Variants in ADAMTSL3 observed in about 807,000 individuals in gnomAD.
The protein encoded by ADAMTSL3 is ADAMTS-like protein 3.
A neutral mutation model predicts 201.7 loss-of-function variants in ADAMTSL3; 128 were observed. The ratio of observed to expected loss-of-function variants is 0.63; its 90% CI spans 0.55 to 0.73. The LOEUF is 0.73. Ranked by LOEUF, ADAMTSL3 falls within the 30% of genes least tolerant of loss-of-function variation. ADAMTSL3 has a pLI of 0.00. For synonymous variants in ADAMTSL3, 738 were observed against 748.4 expected (o/e 0.99, Z 0.23); for missense variants, 1,990 against 2,119.6 (o/e 0.94, Z 1.20).
At chr15:83,999,916 G>A (rs935657675) in intron 23 of ADAMTSL3, among the ~76,000 whole-genome samples, 1 of 152,132 alleles carries the variant, frequency 6.6e-6, no homozygotes, top group African/African-American at 2.4e-5. Context: ...TTGTGGTGCA[G>A]CAGGATTATG....
intron 2 of ADAMTSL3, among the ~76,000 whole-genome samples, chr15:83,690,535 C>T (rs1335611303): frequency 6.6e-6 from 1 of 152,200 alleles, no homozygotes; most frequent in Non-Finnish European, 1.5e-5. Flanking sequence ...TTCTTTACAT[C>T]TCAGCTTTGT....
At chr15:83,796,862 A>G (rs1157094179) in intron 4 of ADAMTSL3, among the ~76,000 whole-genome samples, 1 of 152,236 alleles carries the variant, frequency 6.6e-6, no homozygotes, top group Admixed American at 6.5e-5. Context: ...TAGTCAGAGG[A>G]AAACATTAGA....
At chr15:83,800,508 A>T (rs559894295) in intron 4 of ADAMTSL3, among the ~76,000 whole-genome samples, 2 of 152,186 alleles carry the variant, frequency 1.3e-5, no homozygotes, top group African/African-American at 2.4e-5. Flanking sequence ...GATACCTTTG[A>T]TATATTCTTT....
At chr15:83,927,042 C>T (rs557713487) in intron 17 of ADAMTSL3, among the ~76,000 whole-genome samples, 28 of 152,326 alleles carry the variant, frequency 1.8e-4, no homozygotes, top group African/African-American at 5.8e-4. Flanking sequence ...GCTTTCCCAA[C>T]CATGGCCCCC....
intron 17 of ADAMTSL3, among the ~76,000 whole-genome samples, chr15:83,924,962 T>C (rs967088540): frequency 8.5e-5 from 13 of 152,236 alleles, no homozygotes; most frequent in African/African-American, 3.1e-4. Flanking sequence ...CTCTCAGTGA[T>C]TGAGGGAGGT....
intron 3 of ADAMTSL3, among the ~76,000 whole-genome samples, chr15:83,759,839 T>A (rs931297937): frequency 2.6e-5 from 4 of 152,170 alleles, no homozygotes; most frequent in Non-Finnish European, 5.9e-5. Flanking sequence ...ATAATATATT[T>A]CATAATATGA....
At chr15:83,955,495 C>G (rs1220823307) in intron 19 of ADAMTSL3, among the ~76,000 whole-genome samples, 1 of 152,078 alleles carries the variant, frequency 6.6e-6, no homozygotes, top group Non-Finnish European at 1.5e-5. Context: ...CTGAAGCCCA[C>G]TAGATACTCT....
chr15:83,903,662 A>T (rs1446099163), intron 15 of ADAMTSL3, among the ~76,000 whole-genome samples: 2 of 151,908 alleles, frequency 1.3e-5, no homozygotes, highest in Non-Finnish European at 2.9e-5. Context: ...TCACGCCTAT[A>T]ATCCCAGCAC....
intron 7 of ADAMTSL3, among the ~76,000 whole-genome samples, chr15:83,844,161 TG>T (rs2064445486): frequency 6.6e-6 from 1 of 152,194 alleles, no homozygotes; most frequent in African/African-American, 2.4e-5. Flanking sequence ...CATTTTTACA[TG>T]GTGGCAGCCA....
chr15:83,873,031 G>A (rs140983410), intron 9 of ADAMTSL3, among the ~76,000 whole-genome samples: 2,835 of 145,586 alleles, frequency 0.019, 538 homozygotes, highest in African/African-American at 0.069. Context: ...GTGGCTGGGC[G>A]TGGTGGCTCA....
intron 17 of ADAMTSL3, among the ~76,000 whole-genome samples, chr15:83,925,788 C>T (rs943956068): frequency 2.6e-5 from 4 of 152,208 alleles, no homozygotes; most frequent in Admixed American, 2.6e-4. Flanking sequence ...ATTATTGGAA[C>T]CACTGAATTA....
At position 83,970,651 on chromosome 15, in the gene ADAMTSL3, GT is replaced by G; in HGVS notation, c.2644+15del. On this transcript the variant is annotated intron_variant, in intron 20 of 29. Transcript: ENST00000286744. ...CTGAGTGCAGTAGTAAGTATGCGGT[GT>G]CCGCGCTTCACCAAGATATGCTGAT... 1.2e-6 allele frequency: 2 copies of G among 1,613,054 alleles called. No individual in the cohort carries two copies. Among genetic ancestry groups the G allele is most frequent in the Non-Finnish European group, 1.7e-6 (2 of 1,179,480 alleles).
chr15:83,884,997 G>T, intron 9 of ADAMTSL3, 104 bp from the exon 10 acceptor site: 1 of 685,978 alleles, frequency 1.5e-6, no homozygotes, highest in South Asian at 1.9e-5. Context: ...TCTAATGGAT[G>T]GGTGGTTGTC....
chr15:83,941,879 A>G (rs1325274423), intron 17 of ADAMTSL3, among the ~76,000 whole-genome samples: 1 of 152,220 alleles, frequency 6.6e-6, no homozygotes, highest in African/African-American at 2.4e-5. Flanking sequence ...AATTAAAATA[A>G]CCATAATGTG....
At chr15:83,856,333 T>TA (rs555122617) in intron 7 of ADAMTSL3, among the ~76,000 whole-genome samples, 78 of 150,080 alleles carry the variant, frequency 5.2e-4, no homozygotes, top group Non-Finnish European at 8.0e-4. Context: ...ATACCCACAT[T>TA]AAAAAAAAAT....
rs564633550 is a variant in ADAMTSL3 at position 83,846,567 on chromosome 15, A to C, written c.727+8352A>C. 1.1e-4 allele frequency among the ~76,000 whole-genome samples: 16 copies of C among 152,366 alleles called. 1 individual carries two copies. In the South Asian group the frequency reaches 3.3e-3, roughly 32 times the overall value. On this transcript the variant is annotated intron_variant, in intron 7 of 29. Transcript: ENST00000286744. Reference sequence around the variant, plus strand: ...AACCCACCCCTTGTTTCCCCTTGGCAGAGCCCAGCCAGCTCCATGGTTCCT... The same window carrying C: ...AACCCACCCCTTGTTTCCCCTTGGCCGAGCCCAGCCAGCTCCATGGTTCCT...
intron 26 of ADAMTSL3, among the ~76,000 whole-genome samples, chr15:84,023,998 G>A (rs1430250805): frequency 6.6e-6 from 1 of 152,350 alleles, no homozygotes; most frequent in East Asian, 1.9e-4. Context: ...GCTCACGCCT[G>A]TAATCTCAGC....
chr15:83,900,373 T>G (rs2141917699), intron 15 of ADAMTSL3, among the ~76,000 whole-genome samples: 1 of 152,238 alleles, frequency 6.6e-6, no homozygotes, highest in Non-Finnish European at 1.5e-5. Flanking sequence ...AAATTAAGAA[T>G]CAAGAGGAAA....
At chr15:83,968,583 C>T (rs1259408962) in intron 19 of ADAMTSL3, among the ~76,000 whole-genome samples, 1 of 152,194 alleles carries the variant, frequency 6.6e-6, no homozygotes, top group African/African-American at 2.4e-5. Context: ...ATTAGTTCAA[C>T]CATTGTGGAA....
Sources: gnomAD v4.1 joint callset for allele counts (sites outside exome capture counted in the v4.1 genomes callset) on GRCh38, gnomAD v4.1.1 for gene constraint, MANE v1.5 for transcripts, NCBI Gene and HGNC (gene_info 2026-07-23, HGNC 2026-07-21) for gene names.